The following ABLIM1 variants were observed in gnomAD, a reference collection of about 807,000 sequenced individuals.
ABLIM1 encodes actin binding LIM protein 1.
Under a neutral mutation model 107.0 loss-of-function variants are expected in ABLIM1, and 40 were observed. That is an observed-to-expected ratio of 0.37 (90% CI 0.29 to 0.49). The LOEUF (loss-of-function observed/expected upper bound fraction) is 0.49, where lower values mean the gene tolerates loss of function less well. ABLIM1 is among the 20% of genes least tolerant of loss of function. The probability of loss-of-function intolerance (pLI) is 0.97; values close to 1 mark genes in which losing one functional copy is unlikely to be tolerated. For missense variants in ABLIM1, 857 were observed against 1,008.5 expected (o/e 0.85, Z 2.04); for synonymous variants, 357 against 357.3 (o/e 1.00, Z 0.01).
chr10:114,614,604 G>A (rs1411724060), intron 1 of ABLIM1, among the ~76,000 whole-genome samples: 1 of 152,064 alleles, frequency 6.6e-6, no homozygotes, highest in South Asian at 2.1e-4. Context: ...CACTCACAAG[G>A]GAGTTTTCAC....
At chr10:114,537,429 T>C (rs1381004967) in intron 6 of ABLIM1, among the ~76,000 whole-genome samples, 4 of 152,216 alleles carry the variant, frequency 2.6e-5, no homozygotes, top group Non-Finnish European at 4.4e-5. Flanking sequence ...TGGTTAACTG[T>C]AGTCACCCTA....
chr10:114,696,841 G>A (rs914491952), intron 1 of ABLIM1, among the ~76,000 whole-genome samples: 3 of 152,114 alleles, frequency 2.0e-5, no homozygotes, highest in African/African-American at 7.2e-5. Flanking sequence ...TACTGGATTA[G>A]GCTATTTTAA....
At chr10:114,758,703 G>T (rs1020481292) in intron 1 of ABLIM1, among the ~76,000 whole-genome samples, 1 of 152,008 alleles carries the variant, frequency 6.6e-6, no homozygotes, top group Non-Finnish European at 1.5e-5. Flanking sequence ...GCTTCCCTGT[G>T]GTGGATGTTT....
intron 1 of ABLIM1, among the ~76,000 whole-genome samples, chr10:114,611,560 T>C (rs1269141175): frequency 6.6e-6 from 1 of 152,102 alleles, no homozygotes. Context: ...CCTCCAAACA[T>C]AAAAGACGCT....
chr10:114,724,927 C>G (rs2081926299), intron 1 of ABLIM1, among the ~76,000 whole-genome samples: 1 of 152,174 alleles, frequency 6.6e-6, no homozygotes, highest in Non-Finnish European at 1.5e-5. Flanking sequence ...GTAAATAGGC[C>G]TGCTTATTCT....
At chr10:114,670,179 T>A (rs542990854) in intron 1 of ABLIM1, among the ~76,000 whole-genome samples, 1 of 152,086 alleles carries the variant, frequency 6.6e-6, no homozygotes, top group Non-Finnish European at 1.5e-5. Context: ...TCCTTGACCA[T>A]CCCCCATTCC....
intron 2 of ABLIM1, among the ~76,000 whole-genome samples, chr10:114,577,698 A>C (rs1470850272): frequency 1.3e-5 from 2 of 152,176 alleles, no homozygotes; most frequent in African/African-American, 4.8e-5. Flanking sequence ...CTACTGAGAG[A>C]TGCCAAGCTA....
At chr10:114,704,292 CTCTCTCTCTCTATATATATA>C (rs1463649694) in intron 1 of ABLIM1, among the ~76,000 whole-genome samples, 24 of 28,230 alleles carry the variant, frequency 8.5e-4, no homozygotes, top group African/African-American at 3.0e-3. Flanking sequence ...CTCTCTCTCT[CTCTCTCTCTCTATATATATA>C]TATATATATA....
intron 6 of ABLIM1, among the ~76,000 whole-genome samples, chr10:114,506,054 T>C (rs893671216): frequency 1.3e-5 from 2 of 152,322 alleles, no homozygotes; most frequent in Admixed American, 1.3e-4. Context: ...TGTCTACTGT[T>C]CCCACCTTTG....
At chr10:114,488,616 G>T (rs924044905) in intron 7 of ABLIM1, among the ~76,000 whole-genome samples, 1 of 152,160 alleles carries the variant, frequency 6.6e-6, no homozygotes, top group Non-Finnish European at 1.5e-5. Flanking sequence ...TTTCTAAAAA[G>T]TCTTTGCTTT....
At chr10:114,708,769 T>C (rs963691639) in intron 1 of ABLIM1, among the ~76,000 whole-genome samples, 1 of 152,212 alleles carries the variant, frequency 6.6e-6, no homozygotes, top group African/African-American at 2.4e-5. Flanking sequence ...GTCAGTTTTT[T>C]AATGCTTGAT....
chr10:114,647,955 G>T (rs1031811767), intron 1 of ABLIM1, among the ~76,000 whole-genome samples: 2 of 152,098 alleles, frequency 1.3e-5, no homozygotes, highest in African/African-American at 4.8e-5. Flanking sequence ...GATAAAAGCA[G>T]TTTTGAAGAT....
chr10:114,535,810 T>C (rs1213718730), intron 6 of ABLIM1, among the ~76,000 whole-genome samples: 1 of 152,144 alleles, frequency 6.6e-6, no homozygotes, highest in Non-Finnish European at 1.5e-5. Context: ...ATCACATGGT[T>C]CCCTTTCTTT....
rs1373992266 is a variant in ABLIM1, at chr10:114,434,131, G to A, written c.*2129C>T. 1 of 152,272 alleles carries A rather than the reference G, an allele frequency of 6.6e-6. No individual in the cohort carries two copies. Among genetic ancestry groups the A allele is most frequent in the Non-Finnish European group, 1.5e-5 (1 of 68,086 alleles). The allele number at this position is 152,272 out of a possible 1,614,324, so 9.4% of individuals were successfully genotyped here. ...GCAGGAGGGCACAGAGAGAGGATGG[G>A]ATAGAAAAAGCATGGAATAAGCAAG... On this transcript the variant is annotated 3_prime_UTR_variant, in exon 23 of 23. Coordinates refer to ENST00000533213, the MANE Select transcript of ABLIM1 (RefSeq NM_002313.7).
chr10:114,527,341 G>A (rs2064925367), intron 6 of ABLIM1, among the ~76,000 whole-genome samples: 2 of 152,176 alleles, frequency 1.3e-5, no homozygotes, highest in South Asian at 4.1e-4. Flanking sequence ...TACTGTCTGA[G>A]ACAAATATGA....
At chr10:114,635,126 C>T (rs1162016359) in intron 1 of ABLIM1, among the ~76,000 whole-genome samples, 1 of 152,244 alleles carries the variant, frequency 6.6e-6, no homozygotes. Flanking sequence ...CATAAGTCTT[C>T]ATAATACGGA....
At chr10:114,518,151 CCACAGGT>C (rs1217819281) in intron 6 of ABLIM1, among the ~76,000 whole-genome samples, 4 of 152,092 alleles carry the variant, frequency 2.6e-5, no homozygotes, top group Admixed American at 2.0e-4. Context: ...ACATGCCCTC[CCACAGGT>C]ATCTATGTGC....
At chr10:114,595,740 C>T (rs1220694630) in intron 2 of ABLIM1, among the ~76,000 whole-genome samples, 1 of 152,208 alleles carries the variant, frequency 6.6e-6, no homozygotes, top group Non-Finnish European at 1.5e-5. Context: ...CACCCGGGTA[C>T]ATTTTCTGAG....
chr10:114,657,534 TC>T (rs2079580923), intron 1 of ABLIM1, among the ~76,000 whole-genome samples: 1 of 152,176 alleles, frequency 6.6e-6, no homozygotes, highest in Non-Finnish European at 1.5e-5. Flanking sequence ...AGACGAGCCC[TC>T]CCTACACAGT....
Sources: gnomAD v4.1 joint callset for allele counts (sites outside exome capture counted in the v4.1 genomes callset) on GRCh38, gnomAD v4.1.1 for gene constraint, MANE v1.5 for transcripts, NCBI Gene and HGNC (gene_info 2026-07-23, HGNC 2026-07-21) for gene names.